ZC3HAV1: variants seen among roughly 807,000 people sequenced by gnomAD.
ZC3HAV1 encodes zinc finger CCCH-type antiviral protein 1.
Under a neutral mutation model 86.6 loss-of-function variants are expected in ZC3HAV1, and 41 were observed. The observed-to-expected ratio is 0.47, with a 90% CI of 0.37 to 0.61. ZC3HAV1 has a LOEUF of 0.61. ZC3HAV1 is among the 20% of genes least tolerant of loss of function. ZC3HAV1 has a pLI of 0.00. For synonymous variants in ZC3HAV1, 421 were observed against 432.1 expected (o/e 0.97, Z 0.32); for missense variants, 964 against 1,141.1 (o/e 0.84, Z 2.24).
chr7:139,082,507 CGA>C (rs1315209784), intron 3 of ZC3HAV1, among the ~76,000 whole-genome samples: 1 of 152,028 alleles, frequency 6.6e-6, no homozygotes, highest in Non-Finnish European at 1.5e-5. Context: ...TATATACCCC[CGA>C]GGAACTGAAA....
chr7:139,063,512 A>G (rs1394114028), intron 8 of ZC3HAV1, among the ~76,000 whole-genome samples: 2 of 151,908 alleles, frequency 1.3e-5, no homozygotes, highest in Non-Finnish European at 2.9e-5. Context: ...GCTTGAGCTC[A>G]GGAGTTTAAA....
rs764984980 is a variant in ZC3HAV1, at chr7:139,055,232, A to G, written c.2160T>C (p.Phe720=). 1 of 1,613,196 alleles carries G rather than the reference A, an allele frequency of 6.2e-7. No homozygotes were observed. Among genetic ancestry groups the G allele is most frequent in the Non-Finnish European group, 8.5e-7 (1 of 1,179,470 alleles). The change falls in exon 10 of 13, where the codon TTT becomes TTC. Residue 720 remains phenylalanine, a synonymous_variant. Coordinates refer to ENST00000242351, the MANE Select transcript of ZC3HAV1 (RefSeq NM_020119.4). ...LTATFRPQED[F]CFLSSKKYKL... The stretch of plus-strand genomic sequence containing the variant: ...TATATTTCTTTGAGGATAGGAAGCA[A>G]AAGTCCTCCTGAGGACGAAAGGTCG...
chr7:139,051,150 C>T (rs1256355264), intron 12 of ZC3HAV1, among the ~76,000 whole-genome samples: 3 of 151,720 alleles, frequency 2.0e-5, no homozygotes, highest in Admixed American at 6.6e-5. Context: ...CTCTGCCTCC[C>T]GGGTTCAAGC....
Position 139,108,355 on chromosome 7 carries a change from G to A in ZC3HAV1, c.308+669C>T, listed in dbSNP as rs532517167. 1.7e-3 allele frequency among the ~76,000 whole-genome samples: 255 copies of A among 152,114 alleles called. 1 individual carries two copies. The highest frequency in any genetic ancestry group is 6.0e-3 in the African/African-American group (251 of 41,518). On this transcript the variant is annotated intron_variant, in intron 1 of 12. Transcript: ENST00000242351. This position sits in a 1 kb window ranked among gnomAD's most constrained non-coding sequence, Gnocchi z 4.2. ...TGCTTCAAAGGGATTTAAGAGAGTTGTCCCAAGGCAGGCGGTCAACTGCGC... is the reference window on the plus strand; with the variant it reads ...TGCTTCAAAGGGATTTAAGAGAGTTATCCCAAGGCAGGCGGTCAACTGCGC...
intron 7 of ZC3HAV1, among the ~76,000 whole-genome samples, chr7:139,069,066 G>A (rs1816693594): frequency 6.6e-6 from 1 of 152,116 alleles, no homozygotes; most frequent in African/African-American, 2.4e-5. Context: ...CCTTTTTGTG[G>A]TATCTGAAAG....
chr7:139,069,240 G>A (rs1816697564), intron 7 of ZC3HAV1, among the ~76,000 whole-genome samples: 1 of 152,122 alleles, frequency 6.6e-6, no homozygotes, highest in Admixed American at 6.5e-5. Flanking sequence ...GAACAGTACT[G>A]TTACTCCAGG....
chr7:139,100,946 G>T lies in ZC3HAV1; in HGVS notation c.308+8078C>A, dbSNP rs1449358590. 2.0e-5 allele frequency among the ~76,000 whole-genome samples: 3 copies of T among 152,314 alleles called. No individual in the cohort carries two copies. In the East Asian group the frequency reaches 5.8e-4, roughly 30 times the overall value. ...TCGGCTCACTGCAACCTCCCTGCCT[G>T]ATTCTCCTGCCTCAGCCTGCCGAGT... On this transcript the variant is annotated intron_variant, in intron 1 of 12. Transcript: ENST00000242351.
At chr7:139,059,777 G>A (rs1193816506) in intron 9 of ZC3HAV1, among the ~76,000 whole-genome samples, 2 of 152,180 alleles carry the variant, frequency 1.3e-5, no homozygotes, top group Admixed American at 1.3e-4. Flanking sequence ...TTAGAATTAA[G>A]TCAACTTAAT....
chr7:139,109,488 G>C lies in ZC3HAV1; in HGVS notation c.-157C>G. 2 of 921,484 alleles carry C rather than the reference G, an allele frequency of 2.2e-6. No homozygotes were observed. Among genetic ancestry groups the C allele is most frequent in the Non-Finnish European group, 3.1e-6 (2 of 636,766 alleles). The allele number at this position is 921,484 out of a possible 1,614,324, so 57.1% of individuals were successfully genotyped here. On this transcript the variant is annotated 5_prime_UTR_variant, in exon 1 of 13. Coordinates refer to ENST00000242351, the MANE Select transcript of ZC3HAV1 (RefSeq NM_020119.4). The stretch of plus-strand genomic sequence containing the variant: ...CGCGCTCTCCGTCGCCGTTAGCCCA[G>C]CCCAGCGATCCACTCTCGGCTCTCA...
chr7:139,079,921 C>T lies in ZC3HAV1; in HGVS notation c.1020G>A (p.Leu340=). The change falls in exon 4 of 13, where the codon TTG becomes TTA. Residue 340 remains leucine (L), a synonymous_variant. Transcript: ENST00000242351. ...GGTAAGTGCTGCCTGGATTTCCATG[C>T]AAGAGGTCCTCTTGACTGCCGTTCT... ...FLENGSQEDL[L]HGNPGSTYLA... is the part of the protein sequence containing the mutation. 1.2e-6 allele frequency: 2 copies of T among 1,614,184 alleles called. No homozygotes were observed. Among genetic ancestry groups the T allele is most frequent in the Non-Finnish European group, 1.7e-6 (2 of 1,180,040 alleles).
chr7:139,103,326 A>G (rs1317478080), intron 1 of ZC3HAV1, among the ~76,000 whole-genome samples: 1 of 147,418 alleles, frequency 6.8e-6, no homozygotes, highest in Non-Finnish European at 1.5e-5. Flanking sequence ...GCTAGTCTTG[A>G]ACTCCTGTCC....
At chr7:139,082,801 T>C (rs1012753162) in intron 3 of ZC3HAV1, among the ~76,000 whole-genome samples, 2 of 152,070 alleles carry the variant, frequency 1.3e-5, no homozygotes, top group African/African-American at 4.8e-5. Context: ...GAAAGCAGAA[T>C]GTTAGTTGCC....
In ZC3HAV1 at chr7:139,083,773, C is replaced by CCTT. The variant is rs1817197249; in HGVS notation, c.697+4_697+6dup. 2 of 1,597,492 alleles carry CCTT rather than the reference C, an allele frequency of 1.3e-6. No individual in the cohort carries two copies. The highest frequency in any genetic ancestry group is 1.7e-6 in the Non-Finnish European group (2 of 1,170,272). ...GTTCACACAATTGAAAAAGAAAAGGCCTTTACCTCTGGGCCCTGGGGGATT... is the reference window on the plus strand; with the variant it reads ...GTTCACACAATTGAAAAAGAAAAGGCCTTCTTTACCTCTGGGCCCTGGGGGATT... On this transcript the variant is annotated splice_region_variant and intron_variant, in intron 3 of 12. Coordinates refer to ENST00000242351, the MANE Select transcript of ZC3HAV1 (RefSeq NM_020119.4).
At chr7:139,076,738 A>T (rs2130701400) in intron 5 of ZC3HAV1, among the ~76,000 whole-genome samples, 1 of 152,182 alleles carries the variant, frequency 6.6e-6, no homozygotes, top group East Asian at 1.9e-4. Context: ...CTAAAAATAC[A>T]AAAATTAGCC....
chr7:139,092,356 C>A (rs1226906876), intron 1 of ZC3HAV1, among the ~76,000 whole-genome samples: 3 of 152,118 alleles, frequency 2.0e-5, no homozygotes, highest in South Asian at 2.1e-4. Flanking sequence ...CAGGTGGAAA[C>A]AAGGCTAGGT....
chr7:139,053,999 T>C lies in ZC3HAV1; in HGVS notation c.2284A>G (p.Ile762Val). The change falls in exon 11 of 13, where the codon ATC (isoleucine) becomes GTC (valine). Residue 762 changes from isoleucine (I) to valine (V), a missense_variant. Ile to Val is a conservative substitution (Grantham distance 29). Transcript: ENST00000242351. ...KNFKIEKIKK[I>V]ENSELLDKFT... Reference sequence around the variant, plus strand: ...TTATCCAGGAGCTCTGAGTTCTCGATCTTCTTTATCTTTTCAATCTTGAAA... The same window carrying C: ...TTATCCAGGAGCTCTGAGTTCTCGACCTTCTTTATCTTTTCAATCTTGAAA... 6.2e-7 allele frequency: 1 copy of C among 1,607,138 alleles called. No individual in the cohort carries two copies. Among genetic ancestry groups the C allele is most frequent in the Non-Finnish European group, 8.5e-7 (1 of 1,178,412 alleles).
chr7:139,101,478 G>T (rs9691717), intron 1 of ZC3HAV1, among the ~76,000 whole-genome samples: 3 of 20,276 alleles, frequency 1.5e-4, no homozygotes, highest in Non-Finnish European at 2.0e-4. Flanking sequence ...TGTGAGGAGC[G>T]CCTCAGCCCG....
At chr7:139,061,547 G>A (rs1816443930) in intron 8 of ZC3HAV1, among the ~76,000 whole-genome samples, 1 of 152,184 alleles carries the variant, frequency 6.6e-6, no homozygotes, top group Non-Finnish European at 1.5e-5. Context: ...TTCAATTCAT[G>A]CCGTAAACCT....
Position 139,109,435 on chromosome 7 carries a change from T to A in ZC3HAV1, c.-104A>T, listed in dbSNP as rs910161524. ...CAGGGGCGGGCGCGGGCGGTGCTACTGCTGGGCGCGCCCGGAGTCAGCGAG... is the reference window on the plus strand; with the variant it reads ...CAGGGGCGGGCGCGGGCGGTGCTACAGCTGGGCGCGCCCGGAGTCAGCGAG... On this transcript the variant is annotated 5_prime_UTR_variant, in exon 1 of 13. Transcript: ENST00000242351. 135 of 1,384,276 alleles carry A rather than the reference T, an allele frequency of 9.8e-5. No individual in the cohort carries two copies. The highest frequency in any genetic ancestry group is 1.2e-4 in the Non-Finnish European group (125 of 1,056,190). The allele number at this position is 1,384,276 out of a possible 1,614,324, so 85.7% of individuals were successfully genotyped here. A position where few individuals can be genotyped will look rare whatever the true frequency, so the allele number is the denominator to read the frequency against.
Sources: gnomAD v4.1 joint callset for allele counts (sites outside exome capture counted in the v4.1 genomes callset) on GRCh38, gnomAD v4.1.1 for gene constraint, Gnocchi (gnomAD v3.1) non-coding constraint, MANE v1.5 for transcripts, NCBI Gene and HGNC (gene_info 2026-07-23, HGNC 2026-07-21) for gene names.